The following NT5DC1 variants were observed in gnomAD, a reference collection of about 807,000 sequenced individuals.
NT5DC1 encodes the protein 5'-nucleotidase domain containing 1.
NT5DC1 carries 42 observed loss-of-function variants against 59.4 expected under a neutral mutation model. The observed-to-expected ratio is 0.71, with a 90% CI of 0.55 to 0.92. The LOEUF (loss-of-function observed/expected upper bound fraction) is 0.92. NT5DC1 is among the 40% of genes least tolerant of loss of function. The pLI is 0.00. For synonymous variants in NT5DC1, 172 were observed against 188.1 expected (o/e 0.91, Z 0.70); for missense variants, 501 against 537.1 (o/e 0.93, Z 0.66).
Position 116,221,037 on chromosome 6 carries a change from A to T in NT5DC1, c.530-17A>T, listed in dbSNP as rs1214160657. On this transcript the variant is annotated splice_polypyrimidine_tract_variant and intron_variant, in intron 6 of 11. Coordinates refer to ENST00000319550, the MANE Select transcript of NT5DC1 (RefSeq NM_152729.3). ...ATGTTTAAAAAGAAAAACCTCATTG[A>T]TATTTTTATTTTTCAGAAAACTGTG... 1 of 1,229,790 alleles carries T rather than the reference A, an allele frequency of 8.1e-7. No individual in the cohort carries two copies. The highest frequency in any genetic ancestry group is 1.2e-6 in the Non-Finnish European group (1 of 855,796). The allele number at this position is 1,229,790 out of a possible 1,614,324, so 76.2% of individuals were successfully genotyped here.
intron 6 of NT5DC1, among the ~76,000 whole-genome samples, chr6:116,135,145 A>G (rs1462690477): frequency 6.6e-6 from 1 of 152,202 alleles, no homozygotes; most frequent in African/African-American, 2.4e-5. Context: ...GACTACTGAT[A>G]TCATTTATTA....
At chr6:116,229,960 C>A (rs1781985928) in intron 8 of NT5DC1, among the ~76,000 whole-genome samples, 2 of 152,176 alleles carry the variant, frequency 1.3e-5, no homozygotes, top group Non-Finnish European at 2.9e-5. Context: ...ATTCTCCTTC[C>A]GCCTAGAAAC....
intron 1 of NT5DC1, among the ~76,000 whole-genome samples, chr6:116,102,486 C>G (rs1778679800): frequency 6.6e-6 from 1 of 152,154 alleles, no homozygotes; most frequent in Non-Finnish European, 1.5e-5. Flanking sequence ...CTGTGTCTTT[C>G]GAATCCTTCC....
intron 6 of NT5DC1, among the ~76,000 whole-genome samples, chr6:116,139,133 G>A (rs1313630031): frequency 6.6e-6 from 1 of 152,080 alleles, no homozygotes; most frequent in Non-Finnish European, 1.5e-5. Flanking sequence ...AGGATAAAGA[G>A]TTATTTGGCA....
At chr6:116,126,076 A>G (rs894251404) in intron 6 of NT5DC1, 1 of 154,710 alleles carries the variant, frequency 6.5e-6, no homozygotes, top group African/African-American at 2.4e-5. Context: ...GTTCCTGGAG[A>G]TGGTGCCTTG....
At chr6:116,226,774 T>C (rs1318772458) in intron 8 of NT5DC1, among the ~76,000 whole-genome samples, 1 of 152,124 alleles carries the variant, frequency 6.6e-6, no homozygotes. Flanking sequence ...TTTTAAAAAA[T>C]TGTTTTACAT....
At chr6:116,114,851 A>G (rs537805083) in intron 4 of NT5DC1, among the ~76,000 whole-genome samples, 7 of 152,316 alleles carry the variant, frequency 4.6e-5, no homozygotes, top group African/African-American at 1.4e-4. Context: ...GCATTCTTTT[A>G]CTGGTTCCTG....
chr6:116,140,221 T>C (rs1162562011), intron 6 of NT5DC1, among the ~76,000 whole-genome samples: 2 of 152,166 alleles, frequency 1.3e-5, no homozygotes, highest in African/African-American at 2.4e-5. Flanking sequence ...TTTCCTTTCA[T>C]TGTTACCTAA....
At chr6:116,101,773 C>G (rs534201963) in intron 1 of NT5DC1, among the ~76,000 whole-genome samples, 1 of 152,172 alleles carries the variant, frequency 6.6e-6, no homozygotes, top group Non-Finnish European at 1.5e-5. Context: ...TGCCCTCCCT[C>G]CACTATTCCT....
At chr6:116,182,224 T>A (rs4946145) in intron 6 of NT5DC1, among the ~76,000 whole-genome samples, 18 of 73,122 alleles carry the variant, frequency 2.5e-4, no homozygotes, top group South Asian at 9.7e-4. Context: ...CCATGGAGAG[T>A]GTGTGTGTGT....
At chr6:116,188,692 C>A in intron 6 of NT5DC1, among the ~76,000 whole-genome samples, 1 of 138,790 alleles carries the variant, frequency 7.2e-6, no homozygotes, top group African/African-American at 2.9e-5. Context: ...TTCTGGTATC[C>A]TGGAAATTTT....
intron 6 of NT5DC1, chr6:116,120,979 C>G: frequency 3.1e-6 from 5 of 1,613,902 alleles, no homozygotes; most frequent in South Asian, 1.1e-5. Flanking sequence ...CAGGGGAACC[C>G]CTTTCACCCT....
In NT5DC1 at chr6:116,121,428, G is replaced by A. The variant is rs2114288676; in HGVS notation, c.529+3483G>A. The A allele has an allele frequency of 1.2e-6, 2 of 1,614,084 alleles. No homozygotes were observed. Among genetic ancestry groups the A allele is most frequent in the South Asian group, 2.2e-5 (2 of 91,078 alleles). On this transcript the variant is annotated intron_variant, in intron 6 of 11. Transcript: ENST00000319550. Reference sequence around the variant, plus strand: ...CCTCTATCACCTTTGATGCCTGGCTGTCCTGGAACCCCATTTTCACCTCTT... The same window carrying A: ...CCTCTATCACCTTTGATGCCTGGCTATCCTGGAACCCCATTTTCACCTCTT...
intron 6 of NT5DC1, chr6:116,119,770 T>C: frequency 4.0e-6 from 1 of 251,040 alleles, no homozygotes; most frequent in Non-Finnish European, 7.6e-6. Flanking sequence ...TTTTTTTTGT[T>C]GTTTGTTTTT....
chr6:116,178,094 C>A (rs112983773), intron 6 of NT5DC1, among the ~76,000 whole-genome samples: 1 of 93,342 alleles, frequency 1.1e-5, no homozygotes, highest in African/African-American at 5.8e-5. Context: ...TGTGTGCGCG[C>A]GCGCGCGCGT....
Position 116,221,092 on chromosome 6 carries a change from C to G in NT5DC1, c.568C>G (p.Pro190Ala), listed in dbSNP as rs530143149. The change falls in exon 7 of 12, where the codon CCA becomes GCA. Residue 190 changes from proline (P) to alanine (A), a missense_variant. Pro to Ala is a conservative substitution (Grantham distance 27). Coordinates refer to ENST00000319550, the MANE Select transcript of NT5DC1 (RefSeq NM_152729.3). ...ATATTTTCCAGAAATAAAAAGAGAT[C>G]CAGGCAGATATTTACATAGTTGTCC... ...GIYFPEIKRD[P>A]GRYLHSCPES... is the part of the protein sequence containing the mutation. The G allele has an allele frequency of 9.1e-5, 142 of 1,556,882 alleles. No individual in the cohort carries two copies. Among genetic ancestry groups the G allele is most frequent in the Non-Finnish European group, 7.2e-5 (81 of 1,131,698 alleles).
chr6:116,126,163 A>T (rs1457224117), intron 6 of NT5DC1: 2 of 152,308 alleles, frequency 1.3e-5, no homozygotes, highest in Non-Finnish European at 2.9e-5. Flanking sequence ...TGGTATTTAT[A>T]CTGTTTTTCC....
intron 6 of NT5DC1, among the ~76,000 whole-genome samples, chr6:116,211,279 C>T (rs1781572946): frequency 6.6e-6 from 1 of 151,932 alleles, no homozygotes; most frequent in Admixed American, 6.6e-5. Flanking sequence ...GGCACAACTC[C>T]AAGTGAGAAA....
At chr6:116,206,389 A>G (rs1242157791) in intron 6 of NT5DC1, among the ~76,000 whole-genome samples, 1 of 152,016 alleles carries the variant, frequency 6.6e-6, no homozygotes, top group East Asian at 1.9e-4. Context: ...CATTTTATAG[A>G]TAAGCCAACA....
Sources: gnomAD v4.1 joint callset for allele counts (sites outside exome capture counted in the v4.1 genomes callset) on GRCh38, gnomAD v4.1.1 for gene constraint, MANE v1.5 for transcripts, NCBI Gene and HGNC (gene_info 2026-07-23, HGNC 2026-07-21) for gene names.